The following TDRD12 variants were observed in gnomAD, a reference collection of about 807,000 sequenced individuals.
TDRD12 encodes the protein putative ATP-dependent RNA helicase TDRD12.
TDRD12 carries 158 observed loss-of-function variants against 133.5 expected under a neutral mutation model. That is an observed-to-expected ratio of 1.18 (90% CI 1.04 to 1.35). TDRD12 has a LOEUF of 1.35. Ranked by LOEUF, TDRD12 falls within the 40% of genes most tolerant of loss-of-function variation. TDRD12 has a pLI of 0.00. For synonymous variants in TDRD12, 460 were observed against 477.9 expected, an observed-to-expected ratio of 0.96 and a Z score of 0.49; for missense variants, 1,443 against 1,321.3, an observed-to-expected ratio of 1.09 and a Z score of -1.43.
At chr19:32,775,333 A>G (rs920906699) in intron 10 of TDRD12, among the ~76,000 whole-genome samples, 17 of 152,042 alleles carry the variant, frequency 1.1e-4, no homozygotes, top group African/African-American at 3.9e-4. Context: ...TATTTATTAT[A>G]TCTATATTTT....
intron 8 of TDRD12, among the ~76,000 whole-genome samples, chr19:32,772,343 C>T (rs1970464604): frequency 6.6e-6 from 1 of 152,148 alleles, no homozygotes; most frequent in Admixed American, 6.5e-5. Flanking sequence ...TCTCACAGCA[C>T]CACTTCTGGG....
At chr19:32,749,054 T>G (rs6510284) in intron 5 of TDRD12, among the ~76,000 whole-genome samples, 152,247 of 152,318 alleles carry the variant, frequency 1, 76,089 homozygotes, top group Middle Eastern at 1. Flanking sequence ...GTTTTAGTGA[T>G]AGGGTTGGTG....
intron 20 of TDRD12, 34 bp downstream of exon 20, chr19:32,802,823 C>T: frequency 2.0e-6 from 3 of 1,535,436 alleles, no homozygotes; most frequent in Non-Finnish European, 2.6e-6. Flanking sequence ...CCATATTCCA[C>T]TGGCATCTTC....
At position 32,791,055 on chromosome 19, in the gene TDRD12, CAG is replaced by C; in HGVS notation, c.1276_1277del (p.Asp426ProfsTer9). ...ACCATTGACTCGTCGCCGCTGTCAG[CAG>C]ACCTGAAGAAGGTAAAAGTGCTCGT... On this transcript the variant is annotated frameshift_variant, in exon 13 of 28. Coordinates refer to ENST00000444215, the Ensembl canonical transcript of TDRD12. LOFTEE classifies it high-confidence loss of function. 5 of 1,535,972 alleles carry C rather than the reference CAG, an allele frequency of 3.3e-6. No homozygotes were observed. Among genetic ancestry groups the C allele is most frequent in the Non-Finnish European group, 4.4e-6 (5 of 1,146,830 alleles).
At chr19:32,719,912 G>A (rs1009051404) in exon 1 of TDRD12, 1 of 835,606 alleles carries the variant, frequency 1.2e-6, no homozygotes, top group African/African-American at 1.7e-5. Context: ...CTGGGGACGA[G>A]GAGTGTGGGG....
At chr19:32,767,165 AT>A (rs1970323183) in intron 8 of TDRD12, among the ~76,000 whole-genome samples, 1 of 149,972 alleles carries the variant, frequency 6.7e-6, no homozygotes, top group Non-Finnish European at 1.5e-5. Flanking sequence ...TTTTGCTCTT[AT>A]TGCCCAGGCT....
intron 9 of TDRD12, chr19:32,826,713 T>C (rs2145777258): frequency 8.1e-7 from 1 of 1,232,380 alleles, no homozygotes; most frequent in Non-Finnish European, 1.0e-6. Context: ...TTTTGATCAC[T>C]GGGAAGACTG....
intron 6 of TDRD12, 148 bp downstream of exon 6, chr19:32,750,017 C>T (rs1969778283): frequency 5.8e-6 from 3 of 518,146 alleles, no homozygotes; most frequent in Non-Finnish European, 9.7e-6. Context: ...CCGAAGTTAG[C>T]CAGGTCTGTG....
At chr19:32,748,891 A>G (rs190076346) in intron 5 of TDRD12, among the ~76,000 whole-genome samples, 19 of 152,280 alleles carry the variant, frequency 1.2e-4, no homozygotes, top group Admixed American at 9.8e-4. Context: ...TTTAGTGAGC[A>G]AGAGATAGTA....
intron 1 of TDRD12, among the ~76,000 whole-genome samples, chr19:32,724,459 G>T (rs898924902): frequency 3.9e-5 from 6 of 152,108 alleles, no homozygotes; most frequent in African/African-American, 1.4e-4. Context: ...CTGTTTATAA[G>T]TGAGAACATA....
At chr19:32,753,364 CTTAT>C (rs1481938606) in intron 6 of TDRD12, among the ~76,000 whole-genome samples, 1 of 152,062 alleles carries the variant, frequency 6.6e-6, no homozygotes, top group East Asian at 1.9e-4. Context: ...CTCTCCTTTC[CTTAT>C]TTATTCATTT....
rs114628342 is a variant in TDRD12, at chr19:32,813,997, G to A, written c.3141+221G>A. ...TTTACATTGTAACCCCAGCGCACAC[G>A]TGCATTGTGTATGCGAGGCACACGC... On this transcript the variant is annotated intron_variant, in intron 25 of 27. Transcript: ENST00000444215. Among the ~76,000 whole-genome samples the A allele has an allele frequency of 9.3e-3, 1,410 of 152,312 alleles. 26 individuals are homozygous for A. Among genetic ancestry groups the A allele is most frequent in the African/African-American group, 0.032 (1,341 of 41,568 alleles).
Position 32,749,880 on chromosome 19 carries a change from G to T in TDRD12, c.582+11G>T, listed in dbSNP as rs1012181601. On this transcript the variant is annotated intron_variant, in intron 6 of 27. Transcript: ENST00000444215. ...ATAAAAGATGAAAAAGTAAGTGAAA[G>T]AATTGTATTTTTATAATATTTCATC... 2.3e-5 allele frequency: 34 copies of T among 1,481,044 alleles called. No individual in the cohort carries two copies. The highest frequency in any genetic ancestry group is 2.8e-5 in the Non-Finnish European group (31 of 1,095,434). The allele number at this position is 1,481,044 out of a possible 1,614,324, so 91.7% of individuals were successfully genotyped here.
chr19:32,719,988 G>T, exon 1 of TDRD12: 1 of 1,499,940 alleles, frequency 6.7e-7, no homozygotes, highest in South Asian at 1.2e-5. Context: ...CGGGGGCCTG[G>T]CCGGGGCGGA....
At chr19:32,804,560 G>C (rs573187979) in intron 21 of TDRD12, among the ~76,000 whole-genome samples, 4 of 151,794 alleles carry the variant, frequency 2.6e-5, no homozygotes, top group African/African-American at 9.7e-5. Context: ...GGGCGTGGTG[G>C]TGCGTGCCTG....
chr19:32,737,420 CT>C (rs1285646899), intron 2 of TDRD12, among the ~76,000 whole-genome samples: 5 of 152,056 alleles, frequency 3.3e-5, no homozygotes, highest in African/African-American at 1.2e-4. Context: ...GGTCAGGCTG[CT>C]CTTGAACTCC....
intron 13 of TDRD12, among the ~76,000 whole-genome samples, chr19:32,793,782 A>G: frequency 6.7e-6 from 1 of 149,266 alleles, no homozygotes; most frequent in South Asian, 2.1e-4. Context: ...TTAGAAAATT[A>G]AAGCAAGAAT....
At chr19:32,741,683 GC>G (rs1969431515) in intron 3 of TDRD12, among the ~76,000 whole-genome samples, 1 of 152,176 alleles carries the variant, frequency 6.6e-6, no homozygotes, top group African/African-American at 2.4e-5. Context: ...ACAGAAGATG[GC>G]CAGGCTGCCC....
chr19:32,813,720 T>C (rs1348853275), exon 25 of TDRD12: 31 of 1,535,222 alleles, frequency 2.0e-5, no homozygotes, highest in African/African-American at 8.2e-5. Flanking sequence ...TGTTGGAAAA[T>C]TGCATGATGC....
Sources: allele counts gnomAD v4.1 joint callset (sites outside exome capture counted in the v4.1 genomes callset), GRCh38; gene constraint gnomAD v4.1.1; transcripts MANE v1.5; gene names NCBI Gene and HGNC (gene_info 2026-07-23, HGNC 2026-07-21).